The following SLC4A7 variants were observed in gnomAD, a reference collection of about 807,000 sequenced individuals.
SLC4A7 encodes solute carrier family 4 member 7.
In SLC4A7, 51 loss-of-function variants were observed where a neutral mutation model predicts 137.6. The ratio of observed to expected loss-of-function variants is 0.37; its 90% CI spans 0.30 to 0.47. The LOEUF (loss-of-function observed/expected upper bound fraction) is 0.47, where lower values mean the gene tolerates loss of function less well. Among genes scored for constraint, SLC4A7 ranks in the 20% least tolerant of loss-of-function variants. SLC4A7 has a pLI of 1.00. For missense variants in SLC4A7, 1,247 were observed against 1,525.4 expected (o/e 0.82, Z 3.04); for synonymous variants, 542 against 518.6 (o/e 1.05, Z -0.61).
At chr3:27,436,886 G>A (rs1161406155) in intron 4 of SLC4A7, among the ~76,000 whole-genome samples, 1 of 151,960 alleles carries the variant, frequency 6.6e-6, no homozygotes, top group Non-Finnish European at 1.5e-5. Context: ...CTTTATGAAA[G>A]TATAAAGGAT....
At chr3:27,394,175 T>C (rs2051894446) in intron 20 of SLC4A7, among the ~76,000 whole-genome samples, 1 of 152,048 alleles carries the variant, frequency 6.6e-6, no homozygotes, top group Admixed American at 6.6e-5. Context: ...CATGCCACCA[T>C]ACCTGGCTAA....
intron 1 of SLC4A7, among the ~76,000 whole-genome samples, chr3:27,482,000 G>C (rs756222264): frequency 6.6e-6 from 1 of 152,136 alleles, no homozygotes; most frequent in Non-Finnish European, 1.5e-5. Flanking sequence ...GAGTATGGTG[G>C]CACATGCCTG....
chr3:27,469,368 G>A (rs77582454), intron 1 of SLC4A7, among the ~76,000 whole-genome samples: 22,192 of 152,116 alleles, frequency 0.15, 1,859 homozygotes, highest in South Asian at 0.27. Flanking sequence ...CAGTCACCAA[G>A]ACTCTTCCCC....
intron 1 of SLC4A7, among the ~76,000 whole-genome samples, chr3:27,458,105 G>A (rs1055656060): frequency 1.3e-5 from 2 of 152,130 alleles, no homozygotes; most frequent in Non-Finnish European, 1.5e-5. Flanking sequence ...TGGATATGCA[G>A]CAGAAATGTT....
At chr3:27,380,647 G>A (rs186925563) in intron 24 of SLC4A7, among the ~76,000 whole-genome samples, 5 of 152,298 alleles carry the variant, frequency 3.3e-5, no homozygotes, top group African/African-American at 1.2e-4. Context: ...AAAGTGCTCT[G>A]TTCATACTTA....
In SLC4A7 at chr3:27,375,593, A is replaced by C. The variant is rs2049848521; in HGVS notation, c.*1171T>G. On this transcript the variant is annotated 3_prime_UTR_variant, in exon 26 of 26. Coordinates refer to ENST00000454389, the MANE Select transcript of SLC4A7 (RefSeq NM_001321103.2). ...GCTTTATATCAAAGATGTAAAATCT[A>C]TCAATTGCTTTAAGATAATAAACAT... The C allele has an allele frequency of 6.6e-6, 1 of 152,466 alleles. No homozygotes were observed. Among genetic ancestry groups the C allele is most frequent in the Non-Finnish European group, 1.5e-5 (1 of 67,900 alleles). The allele number at this position is 152,466 out of a possible 1,614,324, so 9.4% of individuals were successfully genotyped here. A position where few individuals can be genotyped will look rare whatever the true frequency, so the allele number is the denominator to read the frequency against.
chr3:27,472,308 C>G (rs546896828), intron 1 of SLC4A7, among the ~76,000 whole-genome samples: 1 of 152,094 alleles, frequency 6.6e-6, no homozygotes, highest in Non-Finnish European at 1.5e-5. Flanking sequence ...TTGAATGCAG[C>G]TGGTTTCCGC....
chr3:27,379,390 AG>A (rs1185360376), intron 24 of SLC4A7, 34 bp from the exon 25 acceptor site: 2 of 1,105,888 alleles, frequency 1.8e-6, no homozygotes, highest in Admixed American at 4.0e-5. Flanking sequence ...GTTAGTATTC[AG>A]TACTTGCAAA....
intron 3 of SLC4A7, among the ~76,000 whole-genome samples, chr3:27,440,107 A>C (rs536508958): frequency 1.3e-5 from 2 of 152,316 alleles, no homozygotes; most frequent in South Asian, 4.1e-4. Flanking sequence ...TTTAATCCAC[A>C]AACCTGGTGG....
intron 11 of SLC4A7, among the ~76,000 whole-genome samples, chr3:27,417,902 C>G (rs905060367): frequency 6.6e-6 from 1 of 152,072 alleles, no homozygotes; most frequent in African/African-American, 2.4e-5. Flanking sequence ...CTGCAGGAGT[C>G]CAAAACACTC....
intron 22 of SLC4A7, among the ~76,000 whole-genome samples, chr3:27,388,403 G>C (rs2051189314): frequency 6.6e-6 from 1 of 152,012 alleles, no homozygotes; most frequent in Non-Finnish European, 1.5e-5. Flanking sequence ...TTTTCCTTTG[G>C]TCTAGAATAA....
chr3:27,408,538 T>C (rs529198206), intron 13 of SLC4A7, among the ~76,000 whole-genome samples: 1 of 152,344 alleles, frequency 6.6e-6, no homozygotes, highest in Admixed American at 6.5e-5. Flanking sequence ...ATAATTATCA[T>C]GCCTTAGCTT....
At chr3:27,447,431 A>G (rs887787571) in intron 3 of SLC4A7, among the ~76,000 whole-genome samples, 1 of 152,132 alleles carries the variant, frequency 6.6e-6, no homozygotes, top group Non-Finnish European at 1.5e-5. Context: ...TATATTATAC[A>G]TAACAACTTT....
chr3:27,394,843 A>G, intron 19 of SLC4A7, 74 bp from the exon 20 acceptor site: 1 of 1,558,858 alleles, frequency 6.4e-7, no homozygotes, highest in East Asian at 2.3e-5. Flanking sequence ...CACGAATTAT[A>G]AAGAGGGAAG....
chr3:27,401,564 C>A (rs868024343), intron 15 of SLC4A7, among the ~76,000 whole-genome samples: 2 of 152,134 alleles, frequency 1.3e-5, no homozygotes, highest in African/African-American at 4.8e-5. Flanking sequence ...ACTTTGGAGT[C>A]CATCCAGGCG....
At chr3:27,439,010 T>G (rs978503571) in intron 3 of SLC4A7, among the ~76,000 whole-genome samples, 1 of 152,186 alleles carries the variant, frequency 6.6e-6, no homozygotes, top group Non-Finnish European at 1.5e-5. Flanking sequence ...TCCAGGACAG[T>G]TGAAAGCCCT....
chr3:27,393,259 A>G (rs2051775618), intron 20 of SLC4A7, among the ~76,000 whole-genome samples: 1 of 152,198 alleles, frequency 6.6e-6, no homozygotes. Flanking sequence ...GGTTTATCTT[A>G]AAGAGGGAAA....
intron 4 of SLC4A7, 30 bp from the exon 5 acceptor site, chr3:27,436,578 T>A (rs375153080): frequency 8.5e-6 from 12 of 1,415,286 alleles, no homozygotes; most frequent in Non-Finnish European, 1.1e-5. Context: ...AAATATTTTA[T>A]AAGTAATGAA....
intron 3 of SLC4A7, among the ~76,000 whole-genome samples, chr3:27,447,160 G>C (rs2057721226): frequency 6.6e-6 from 1 of 151,308 alleles, no homozygotes; most frequent in Non-Finnish European, 1.5e-5. Context: ...TACTGCAATT[G>C]CAAGCGTGAG....
Sources: gnomAD v4.1 joint callset for allele counts (sites outside exome capture counted in the v4.1 genomes callset) on GRCh38, gnomAD v4.1.1 for gene constraint, MANE v1.5 for transcripts, NCBI Gene and HGNC (gene_info 2026-07-23, HGNC 2026-07-21) for gene names.